CDH12: variants seen among roughly 807,000 people sequenced by gnomAD.
CDH12 encodes cadherin-12.
In CDH12, 41 loss-of-function variants were observed where a neutral mutation model predicts 74.1. The observed-to-expected ratio is 0.55, with a 90% CI of 0.43 to 0.72. CDH12 has a LOEUF of 0.72. Ranked by LOEUF, CDH12 falls within the 30% of genes least tolerant of loss-of-function variation. CDH12 has a pLI of 0.00. For missense variants in CDH12, 945 were observed against 977.2 expected (o/e 0.97, Z 0.44); for synonymous variants, 399 against 355.0 (o/e 1.12, Z -1.39).
intron 3 of CDH12, among the ~76,000 whole-genome samples, chr5:22,333,074 C>A (rs1402133390): frequency 1.3e-5 from 2 of 152,106 alleles, no homozygotes; most frequent in East Asian, 3.9e-4. Context: ...CCCAAATGCT[C>A]TTCAATGATA....
At position 22,041,104 on chromosome 5, in the gene CDH12, G is replaced by T. The variant is rs552426348; in HGVS notation, c.231+37342C>A. On this transcript the variant is annotated intron_variant, in intron 5 of 14. Transcript: ENST00000382254. ...TTTTTTATGTACCTGAAGTTAAAATGTTATCAGCAGAGAATAGTCTATTTT... is the reference window on the plus strand; with the variant it reads ...TTTTTTATGTACCTGAAGTTAAAATTTTATCAGCAGAGAATAGTCTATTTT... 2.0e-3 allele frequency among the ~76,000 whole-genome samples: 300 copies of T among 152,098 alleles called. 2 individuals carry two copies. The highest frequency in any genetic ancestry group is 6.8e-3 in the African/African-American group (283 of 41,526).
At chr5:22,088,382 C>A (rs1488686734) in intron 4 of CDH12, among the ~76,000 whole-genome samples, 2 of 152,038 alleles carry the variant, frequency 1.3e-5, no homozygotes, top group Non-Finnish European at 2.9e-5. Flanking sequence ...TGTTTCAGAC[C>A]CACCAAGTCA....
chr5:21,810,117 A>C (rs1747667468), intron 9 of CDH12, among the ~76,000 whole-genome samples: 1 of 152,070 alleles, frequency 6.6e-6, no homozygotes, highest in South Asian at 2.1e-4. Context: ...ACATGCCTGT[A>C]AATGTGTGTG....
At chr5:22,745,484 G>A (rs1745247482) in intron 1 of CDH12, among the ~76,000 whole-genome samples, 1 of 151,974 alleles carries the variant, frequency 6.6e-6, no homozygotes, top group Admixed American at 6.6e-5. Context: ...TCATTGCAAC[G>A]CTATTCACAA....
intron 1 of CDH12, among the ~76,000 whole-genome samples, chr5:22,819,638 C>T (rs1463745744): frequency 2.6e-5 from 4 of 151,548 alleles, no homozygotes; most frequent in African/African-American, 9.7e-5. Context: ...CATATACACC[C>T]ACATCAGAAA....
intron 2 of CDH12, among the ~76,000 whole-genome samples, chr5:22,425,075 TATAGAGAGAGAG>T (rs1271109016): frequency 1.6e-5 from 2 of 124,872 alleles, no homozygotes; most frequent in Non-Finnish European, 3.2e-5. Flanking sequence ...TATATATATA[TATAGAGAGAGAG>T]AGAGAGAGAG....
intron 6 of CDH12, among the ~76,000 whole-genome samples, chr5:21,880,625 T>TTC (rs1375988649): frequency 9.9e-5 from 6 of 60,574 alleles, no homozygotes; most frequent in African/African-American, 3.0e-4. Context: ...CCTTCTTTCT[T>TTC]TCTTTCTTTC....
At chr5:21,982,575 T>G (rs570900799) in intron 5 of CDH12, among the ~76,000 whole-genome samples, 1 of 151,400 alleles carries the variant, frequency 6.6e-6, no homozygotes, top group South Asian at 2.1e-4. Flanking sequence ...TATGGATACA[T>G]CTATATATAG....
At chr5:22,475,167 A>C (rs1275343294) in intron 2 of CDH12, among the ~76,000 whole-genome samples, 7 of 151,610 alleles carry the variant, frequency 4.6e-5, no homozygotes. Flanking sequence ...CTTGAATCTC[A>C]AAGTCATATT....
chr5:21,773,216 A>G (rs946982556), intron 11 of CDH12, among the ~76,000 whole-genome samples: 32 of 152,260 alleles, frequency 2.1e-4, no homozygotes, highest in Non-Finnish European at 4.4e-4. Flanking sequence ...CAAAGTTGTG[A>G]TGGTTAATTT....
chr5:22,159,548 G>C (rs1203825156), intron 4 of CDH12, among the ~76,000 whole-genome samples: 1 of 152,050 alleles, frequency 6.6e-6, no homozygotes, highest in Non-Finnish European at 1.5e-5. Context: ...CTCTCTGTTT[G>C]ACTTAATCGC....
At chr5:22,444,449 A>T (rs535398110) in intron 2 of CDH12, among the ~76,000 whole-genome samples, 1 of 152,254 alleles carries the variant, frequency 6.6e-6, no homozygotes, top group African/African-American at 2.4e-5. Flanking sequence ...AACTGGGATG[A>T]AATGATATGA....
In CDH12 at chr5:22,190,362, A is replaced by G. The variant is rs773613735; in HGVS notation, c.-187+22136T>C. Among the ~76,000 whole-genome samples, 228 of 87,828 alleles carry G rather than the reference A, an allele frequency of 2.6e-3. 1 individual carries two copies. Among genetic ancestry groups the G allele is most frequent in the African/African-American group, 7.9e-3 (140 of 17,792 alleles). 57.6% of individuals were successfully genotyped at this position (87,828 alleles called of 152,430 possible). A position where few individuals can be genotyped will look rare whatever the true frequency, so the allele number is the denominator to read the frequency against. On this transcript the variant is annotated intron_variant, in intron 4 of 14. Coordinates refer to ENST00000382254, the MANE Select transcript of CDH12 (RefSeq NM_004061.5). Reference sequence around the variant, plus strand: ...CATGCCTCCATCTGTCTGTCTGTCTATCTATCTATCTATCTATCTATCTAT... The same window carrying G: ...CATGCCTCCATCTGTCTGTCTGTCTGTCTATCTATCTATCTATCTATCTAT...
intron 6 of CDH12, among the ~76,000 whole-genome samples, chr5:21,880,386 T>C (rs1265223394): frequency 3.3e-5 from 5 of 152,242 alleles, no homozygotes; most frequent in African/African-American, 1.2e-4. Flanking sequence ...TAAGTTCTTG[T>C]CTGTAGATGG....
chr5:22,812,476 G>T (rs1357987946), intron 1 of CDH12, among the ~76,000 whole-genome samples: 1 of 152,140 alleles, frequency 6.6e-6, no homozygotes, highest in African/African-American at 2.4e-5. Flanking sequence ...AGAGCATTAA[G>T]CCAAGTACAG....
chr5:22,027,660 A>T (rs1738464717), intron 5 of CDH12, among the ~76,000 whole-genome samples: 1 of 152,066 alleles, frequency 6.6e-6, no homozygotes, highest in Admixed American at 6.6e-5. Context: ...CAGTGGTGAT[A>T]TCCCCTTTAT....
At chr5:22,437,577 A>C (rs1052815438) in intron 2 of CDH12, among the ~76,000 whole-genome samples, 1 of 151,776 alleles carries the variant, frequency 6.6e-6, no homozygotes, top group Non-Finnish European at 1.5e-5. Context: ...AAATAAAAAT[A>C]ATTCCAAGGT....
chr5:22,553,332 T>C (rs1032724750), intron 1 of CDH12, among the ~76,000 whole-genome samples: 3 of 152,158 alleles, frequency 2.0e-5, no homozygotes, highest in Non-Finnish European at 4.4e-5. Flanking sequence ...AAAATTAATT[T>C]TCTTTCTTTT....
intron 4 of CDH12, among the ~76,000 whole-genome samples, chr5:22,146,948 C>T (rs1477247002): frequency 6.6e-6 from 1 of 151,400 alleles, no homozygotes; most frequent in Non-Finnish European, 1.5e-5. Context: ...TTAGCCATTA[C>T]CTTCAGGAAG....
Sources: gnomAD v4.1 joint callset for allele counts (sites outside exome capture counted in the v4.1 genomes callset) on GRCh38, gnomAD v4.1.1 for gene constraint, MANE v1.5 for transcripts, NCBI Gene and HGNC (gene_info 2026-07-23, HGNC 2026-07-21) for gene names.